DNAH5: variants seen among roughly 807,000 people sequenced by gnomAD.
DNAH5 encodes dynein axonemal heavy chain 5, also known as axonemal beta dynein heavy chain 5.
Under a neutral mutation model 518.2 loss-of-function variants are expected in DNAH5, and 372 were observed. The ratio of observed to expected loss-of-function variants is 0.72; its 90% confidence interval spans 0.66 to 0.78. DNAH5 has a LOEUF of 0.78. Ranked by LOEUF, DNAH5 falls within the 30% of genes least tolerant of loss-of-function variation. The pLI is 0.00. For synonymous variants in DNAH5, 2,039 were observed against 2,025.9 expected (o/e 1.01, Z -0.17); for missense variants, 5,523 against 5,687.0 (o/e 0.97, Z 0.93).
intron 75 of DNAH5, among the ~76,000 whole-genome samples, chr5:13,708,759 G>C (rs1743129930): frequency 6.6e-6 from 1 of 152,154 alleles, no homozygotes. Context: ...TCTCTTTTAA[G>C]AGCTTTCTGT....
intron 11 of DNAH5, among the ~76,000 whole-genome samples, chr5:13,911,936 T>C (rs1776042972): frequency 6.6e-6 from 1 of 152,206 alleles, no homozygotes; most frequent in African/African-American, 2.4e-5. Context: ...AATGATGTTA[T>C]ATCTACAGAT....
Position 13,830,616 on chromosome 5 carries a change from T to G in DNAH5, c.6042A>C (p.Gly2014=). Residue 2014 remains glycine (G), a synonymous_variant, in exon 36 of 79, where the codon GGA becomes GGC. Transcript: ENST00000265104. ...FNCSDQMDFR[G]LGRIFKGLAQ... ...CCATACCCTTAAAAATCCGTCCAAG[T>G]CCTCGGAAATCCATCTGGTCTGAAC... is the stretch of plus-strand genomic sequence containing the variant. The G allele has an allele frequency of 6.2e-7, 1 of 1,614,200 alleles. No individual in the cohort carries two copies. The highest frequency in any genetic ancestry group is 8.5e-7 in the Non-Finnish European group (1 of 1,180,038).
chr5:13,939,835 C>T (rs1391220158), intron 1 of DNAH5, among the ~76,000 whole-genome samples: 1 of 152,132 alleles, frequency 6.6e-6, no homozygotes, highest in East Asian at 1.9e-4. Context: ...AAAGTGGTTT[C>T]GGGAAAGAAA....
At chr5:13,799,442 C>G (rs994419867) in intron 47 of DNAH5, among the ~76,000 whole-genome samples, 6 of 152,106 alleles carry the variant, frequency 3.9e-5, no homozygotes, top group Non-Finnish European at 7.4e-5. Context: ...CCTATATTTT[C>G]TTCCCCTCCA....
chr5:13,971,979 T>C (rs899957607), intron 1 of DNAH5, among the ~76,000 whole-genome samples: 2 of 152,084 alleles, frequency 1.3e-5, no homozygotes, highest in African/African-American at 4.8e-5. Flanking sequence ...CAGACTCTCC[T>C]TGGGCAGGGC....
chr5:13,996,375 C>G (rs1479184011), intron 1 of DNAH5, among the ~76,000 whole-genome samples: 1 of 152,056 alleles, frequency 6.6e-6, no homozygotes, highest in Non-Finnish European at 1.5e-5. Context: ...CCAATAGTCC[C>G]AAAAAACTCT....
At chr5:13,694,106 C>T (rs75355128) in intron 78 of DNAH5, among the ~76,000 whole-genome samples, 5,530 of 152,134 alleles carry the variant, frequency 0.036, 350 homozygotes, top group African/African-American at 0.13. Flanking sequence ...TGAAGTAAGC[C>T]TTTGGTGCCT....
In DNAH5 at chr5:13,780,900, T is replaced by G. The variant is rs1479801916; in HGVS notation, c.8880A>C (p.Ser2960=). The G allele has an allele frequency of 5.6e-6, 9 of 1,613,846 alleles. No homozygotes were observed. The highest frequency in any genetic ancestry group is 7.6e-6 in the Non-Finnish European group (9 of 1,179,800). Reference sequence around the variant, plus strand: ...CCAACCTCGTCAGGCTCTGCTTTCCTGATCCGCCCACCCCGACCAGGAGGG... The same window carrying G: ...CCAACCTCGTCAGGCTCTGCTTTCCGGATCCGCCCACCCCGACCAGGAGGG... ...GNALLVGVGG[S]GKQSLTRLAS... is the part of the protein sequence containing the mutation. Residue 2960 remains serine, a synonymous_variant, in exon 53 of 79, where the codon TCA becomes TCC. Coordinates refer to ENST00000265104, the MANE Select transcript of DNAH5 (RefSeq NM_001369.3).
intron 2 of DNAH5, among the ~76,000 whole-genome samples, chr5:13,929,237 A>G (rs970911138): frequency 2.0e-5 from 3 of 152,246 alleles, no homozygotes; most frequent in Non-Finnish European, 2.9e-5. Context: ...GATCCCAAAA[A>G]GATGAACACT....
chr5:13,955,748 A>AT (rs1369091016), intron 1 of DNAH5, among the ~76,000 whole-genome samples: 1 of 152,210 alleles, frequency 6.6e-6, no homozygotes. Context: ...AATGGAAAAC[A>AT]TTTTAAATCA....
chr5:13,743,477 G>A (rs1017839103), intron 65 of DNAH5, among the ~76,000 whole-genome samples: 1 of 151,788 alleles, frequency 6.6e-6, no homozygotes, highest in Non-Finnish European at 1.5e-5. Flanking sequence ...TAAACAAATG[G>A]GGTTATACCA....
intron 61 of DNAH5, 34 bp from the exon 62 acceptor site, chr5:13,754,372 C>T: frequency 1.2e-6 from 2 of 1,613,680 alleles, no homozygotes; most frequent in East Asian, 2.2e-5. Flanking sequence ...AAAGCTTTTA[C>T]TGAAATAAAC....
intron 1 of DNAH5, among the ~76,000 whole-genome samples, chr5:13,953,565 TAAGGCAAGAATTTTGAAAATATAGCCC>T: frequency 6.6e-6 from 1 of 152,174 alleles, no homozygotes; most frequent in African/African-American, 2.4e-5. Flanking sequence ...AAGAACAAGA[TAAGGCAAGAATTTTGAAAATATAGCCC>T]TTACTTGGTG....
intron 31 of DNAH5, among the ~76,000 whole-genome samples, chr5:13,847,496 G>C (rs1766171037): frequency 6.6e-6 from 1 of 152,062 alleles, no homozygotes; most frequent in Admixed American, 6.6e-5. Context: ...GAGGAGGGTG[G>C]ATGACCTGAC....
At chr5:13,920,682 G>C (rs1243734559) in intron 5 of DNAH5, 65 bp from the exon 6 acceptor site, 4 of 1,589,540 alleles carry the variant, frequency 2.5e-6, no homozygotes, top group Non-Finnish European at 3.5e-6. Context: ...TGTGGGCCCT[G>C]TGTTTTCCAC....
intron 30 of DNAH5, among the ~76,000 whole-genome samples, chr5:13,854,262 C>G (rs1037171004): frequency 3.3e-5 from 5 of 152,098 alleles, no homozygotes; most frequent in African/African-American, 1.2e-4. Flanking sequence ...TCATATCCAG[C>G]CAAACTAAGC....
chr5:13,853,736 C>T (rs1405551831), intron 30 of DNAH5, among the ~76,000 whole-genome samples: 1 of 151,522 alleles, frequency 6.6e-6, no homozygotes, highest in Non-Finnish European at 1.5e-5. Flanking sequence ...ACAGAAGTAT[C>T]AATACCCAAA....
chr5:13,818,454 A>G (rs1823044), intron 41 of DNAH5, among the ~76,000 whole-genome samples: 64,871 of 152,162 alleles, frequency 0.43, 14,295 homozygotes, highest in East Asian at 0.62. Context: ...AAAATTAGCC[A>G]GGCATGGCGG....
At chr5:13,892,020 C>T (rs563736222) in intron 16 of DNAH5, among the ~76,000 whole-genome samples, 51 of 152,282 alleles carry the variant, frequency 3.3e-4, no homozygotes, top group African/African-American at 1.0e-3. Context: ...GGAAAGTCAA[C>T]GTTACATACC....
Sources: gnomAD v4.1 joint callset for allele counts (sites outside exome capture counted in the v4.1 genomes callset) on GRCh38, gnomAD v4.1.1 for gene constraint, MANE v1.5 for transcripts, NCBI Gene and HGNC (gene_info 2026-07-23, HGNC 2026-07-21) for gene names.